The following PRKCH variants were observed in gnomAD, a reference collection of about 807,000 sequenced individuals.
The protein encoded by PRKCH is protein kinase C eta.
In PRKCH, 28 loss-of-function variants were observed where a neutral mutation model predicts 82.5. That is an observed-to-expected ratio of 0.34 (90% CI 0.25 to 0.47). The LOEUF is 0.47. PRKCH is among the 20% of genes least tolerant of loss of function. The pLI is 1.00. For missense variants in PRKCH, 705 were observed against 881.8 expected (o/e 0.80, Z 2.54); for synonymous variants, 322 against 327.4 (o/e 0.98, Z 0.18).
chr14:61,466,045 A>G (rs1885241098), intron 9 of PRKCH, among the ~76,000 whole-genome samples: 1 of 152,210 alleles, frequency 6.6e-6, no homozygotes, highest in South Asian at 2.1e-4. Flanking sequence ...TATGATGATG[A>G]ACAGTCTGTA....
At chr14:61,337,881 C>G (rs146661875) in intron 1 of PRKCH, among the ~76,000 whole-genome samples, 5 of 152,218 alleles carry the variant, frequency 3.3e-5, no homozygotes, top group Non-Finnish European at 7.3e-5. Flanking sequence ...CTTCATAGTA[C>G]GGCACAACAG....
intron 1 of PRKCH, among the ~76,000 whole-genome samples, chr14:61,286,764 G>A (rs1342914665): frequency 1.3e-5 from 2 of 151,908 alleles, no homozygotes; most frequent in Non-Finnish European, 2.9e-5. Context: ...CGACAAAAGC[G>A]AAACTCCATC....
At chr14:61,524,938 G>C (rs1029302023) in intron 10 of PRKCH, among the ~76,000 whole-genome samples, 1 of 152,090 alleles carries the variant, frequency 6.6e-6, no homozygotes, top group Non-Finnish European at 1.5e-5. Flanking sequence ...AAGTACTTTG[G>C]AGCAAAGTTT....
chr14:61,210,111 A>AATATATATATATATATAT (rs60055073), intron 1 of PRKCH, among the ~76,000 whole-genome samples: 1 of 87,366 alleles, frequency 1.1e-5, no homozygotes, highest in Admixed American at 1.1e-4. Context: ...CAAACAAACA[A>AATATATATATATATATAT]ATATATATAT....
intron 10 of PRKCH, among the ~76,000 whole-genome samples, chr14:61,498,313 A>G (rs1249098508): frequency 6.6e-6 from 1 of 152,172 alleles, no homozygotes; most frequent in Non-Finnish European, 1.5e-5. Context: ...GCACCTGGGC[A>G]GAAATGCTAT....
chr14:61,426,553 T>G (rs371560624), intron 2 of PRKCH, among the ~76,000 whole-genome samples: 1 of 152,216 alleles, frequency 6.6e-6, no homozygotes, highest in Admixed American at 6.5e-5. Context: ...GTAATTTCTC[T>G]TTAGTCTTGG....
At chr14:61,482,267 G>A (rs1886013011) in intron 9 of PRKCH, among the ~76,000 whole-genome samples, 1 of 152,164 alleles carries the variant, frequency 6.6e-6, no homozygotes, top group South Asian at 2.1e-4. Flanking sequence ...AAAGTGCTGG[G>A]ATGACAGGCA....
intron 1 of PRKCH, chr14:61,279,073 C>G (rs2045231677): frequency 6.6e-6 from 1 of 151,926 alleles, no homozygotes. Context: ...TACTTTCCCT[C>G]GAAGATCTCT....
intron 3 of PRKCH, among the ~76,000 whole-genome samples, chr14:61,444,091 A>G (rs902214501): frequency 5.3e-5 from 8 of 152,182 alleles, no homozygotes; most frequent in African/African-American, 1.9e-4. Context: ...ATTACTTTGT[A>G]TTTTGTTTTC....
intron 1 of PRKCH, 155 bp downstream of exon 1, chr14:61,322,619 A>C: frequency 9.3e-7 from 1 of 1,075,020 alleles, no homozygotes; most frequent in Non-Finnish European, 1.3e-6. Flanking sequence ...GGCACTGGTG[A>C]CGCGACCGCG....
Position 61,297,006 on chromosome 14 carries a change from G to T in PRKCH, c.-19+109338G>T, listed in dbSNP as rs187012365. ...GATAAAATTTTTGTAGGCAAGGGCA[G>T]TTAACTATGCAATTTTGAAGCTTGT... On this transcript the variant is annotated intron_variant, in intron 1 of 3. Coordinates refer to the PRKCH transcript ENST00000555185. Among the ~76,000 whole-genome samples the T allele has an allele frequency of 1.6e-3, 248 of 152,310 alleles. 4 individuals carry two copies. The highest frequency in any genetic ancestry group is 2.9e-3 in the East Asian group (15 of 5,186).
intron 1 of PRKCH, among the ~76,000 whole-genome samples, chr14:61,210,427 C>A (rs552276265): frequency 6.6e-6 from 1 of 152,144 alleles, no homozygotes; most frequent in Non-Finnish European, 1.5e-5. Context: ...ACTACCCACC[C>A]ATATCTATCA....
chr14:61,283,788 C>T (rs902428822), intron 1 of PRKCH, among the ~76,000 whole-genome samples: 4 of 152,084 alleles, frequency 2.6e-5, no homozygotes, highest in Non-Finnish European at 4.4e-5. Context: ...GTTATGATTG[C>T]GCCACTGTAC....
At chr14:61,263,672 T>C (rs1384256649) in intron 1 of PRKCH, among the ~76,000 whole-genome samples, 1 of 151,922 alleles carries the variant, frequency 6.6e-6, no homozygotes, top group African/African-American at 2.4e-5. Flanking sequence ...TAAGCATAAA[T>C]GTCTCCAGGT....
chr14:61,207,389 C>A (rs1040891092), intron 1 of PRKCH, among the ~76,000 whole-genome samples: 1 of 152,086 alleles, frequency 6.6e-6, no homozygotes, highest in African/African-American at 2.4e-5. Flanking sequence ...ATTGGCACAC[C>A]CCAATACATT....
chr14:61,404,003 C>T (rs932887394), intron 2 of PRKCH, among the ~76,000 whole-genome samples: 4 of 152,176 alleles, frequency 2.6e-5, no homozygotes, highest in African/African-American at 7.2e-5. Flanking sequence ...TCTCTGCTCT[C>T]TTTGTTTCAA....
chr14:61,220,118 C>A (rs1225487117), intron 1 of PRKCH, among the ~76,000 whole-genome samples: 1 of 152,184 alleles, frequency 6.6e-6, no homozygotes, highest in African/African-American at 2.4e-5. Context: ...CAGGGCCTCA[C>A]CATCCCTGCT....
intron 10 of PRKCH, among the ~76,000 whole-genome samples, chr14:61,522,219 C>T (rs1029497300): frequency 6.6e-6 from 1 of 152,126 alleles, no homozygotes; most frequent in Non-Finnish European, 1.5e-5. Context: ...ACCTTACCAC[C>T]CTCCCTATAC....
At chr14:61,325,906 A>T (rs1180987393) in intron 1 of PRKCH, among the ~76,000 whole-genome samples, 1 of 152,218 alleles carries the variant, frequency 6.6e-6, no homozygotes, top group African/African-American at 2.4e-5. Flanking sequence ...AACCAAAATG[A>T]GATCTCAGTA....
Sources: allele counts gnomAD v4.1 joint callset (sites outside exome capture counted in the v4.1 genomes callset), GRCh38; gene constraint gnomAD v4.1.1; transcripts MANE v1.5; gene names NCBI Gene and HGNC (gene_info 2026-07-23, HGNC 2026-07-21).